PHF24: variants seen among roughly 807,000 people sequenced by gnomAD.
The protein encoded by PHF24 is PHD finger protein 24.
In PHF24, 25 loss-of-function variants were observed where a neutral mutation model predicts 42.6. That is an observed-to-expected ratio of 0.59 (90% CI 0.43 to 0.82). The LOEUF is 0.82. Ranked by LOEUF, PHF24 falls within the 40% of genes least tolerant of loss-of-function variation. The pLI, the probability that PHF24 is intolerant of heterozygous loss-of-function variation, is 0.00. For missense variants in PHF24, 470 were observed against 538.1 expected, an observed-to-expected ratio of 0.87 and a Z score of 1.25; for synonymous variants, 185 against 204.8, an observed-to-expected ratio of 0.90 and a Z score of 0.83.
chr9:34,715,322 T>C, the PHF24 span, among the ~76,000 whole-genome samples: 29 of 151,970 alleles, frequency 1.9e-4, no homozygotes, highest in Admixed American at 1.9e-3. Flanking sequence ...GAGAGAGCCA[T>C]TACCCTTTTC....
At chr9:34,878,892 T>G in the PHF24 span, among the ~76,000 whole-genome samples, 1 of 152,146 alleles carries the variant, frequency 6.6e-6, no homozygotes, top group Admixed American at 6.5e-5. Context: ...GAGCTTGAGA[T>G]CTGAAAACAG....
chr9:34,916,166 C>T, the PHF24 span, among the ~76,000 whole-genome samples: 31 of 152,260 alleles, frequency 2.0e-4, no homozygotes, highest in Admixed American at 1.2e-3. Context: ...AGCACGAGAA[C>T]GAACTAATAC....
At chr9:34,709,342 C>G in the PHF24 span, 6 of 1,598,516 alleles carry the variant, frequency 3.8e-6, no homozygotes, top group Non-Finnish European at 5.1e-6. Context: ...GTTCAGGCTT[C>G]AAGCGCTGGT....
At chr9:34,953,980 A>G (rs927603750), upstream of PHF24, among the ~76,000 whole-genome samples, 4 of 152,136 alleles carry the variant, frequency 2.6e-5, no homozygotes, top group African/African-American at 4.8e-5. The surrounding 1 kb of genome is among the most constrained non-coding windows in gnomAD (Gnocchi z 4.1). Flanking sequence ...CTTTGGTTGT[A>G]AGCAATGGAA....
the PHF24 span, among the ~76,000 whole-genome samples, chr9:34,891,347 A>T: frequency 6.6e-6 from 1 of 152,222 alleles, no homozygotes; most frequent in African/African-American, 2.4e-5. Context: ...ACAATGGCAG[A>T]TATGGGCAGG....
At chr9:34,952,175 A>G in the PHF24 span, among the ~76,000 whole-genome samples, 1 of 152,062 alleles carries the variant, frequency 6.6e-6, no homozygotes, top group African/African-American at 2.4e-5. Flanking sequence ...TCTGCATGAA[A>G]AATAATCTAC....
the PHF24 span, among the ~76,000 whole-genome samples, chr9:34,799,211 C>T: frequency 1.3e-5 from 2 of 152,088 alleles, no homozygotes; most frequent in Admixed American, 6.5e-5. Flanking sequence ...GAGAAGACTT[C>T]CAGAAGGGAA....
chr9:34,971,482 G>A (rs1826979545), exon 2 of PHF24: 2 of 1,614,094 alleles, frequency 1.2e-6, no homozygotes, highest in African/African-American at 1.3e-5. Flanking sequence ...GAAGGAAGCA[G>A]AAGCAGGAAC....
chr9:34,853,554 C>T, the PHF24 span, among the ~76,000 whole-genome samples: 4 of 150,252 alleles, frequency 2.7e-5, no homozygotes, highest in East Asian at 2.0e-4. Flanking sequence ...CTCGGCCGGG[C>T]GCGGTGGCTC....
chr9:34,850,597 C>G, the PHF24 span, among the ~76,000 whole-genome samples: 1 of 152,238 alleles, frequency 6.6e-6, no homozygotes, highest in African/African-American at 2.4e-5. Context: ...CTTCTTCTCT[C>G]AACTCGTCGA....
chr9:34,971,282 T>G lies in PHF24; in HGVS notation c.-4-13T>G. 1 of 1,578,964 alleles carries G rather than the reference T, an allele frequency of 6.3e-7. No homozygotes were observed. Among genetic ancestry groups the G allele is most frequent in the Non-Finnish European group, 8.6e-7 (1 of 1,157,250 alleles). Reference sequence around the variant, plus strand: ...ATTGGCTGAACCTGTGCCCCTCTGCTTTTTGTCCACAGAGCCATGGGGGTG... The same window carrying G: ...ATTGGCTGAACCTGTGCCCCTCTGCGTTTTGTCCACAGAGCCATGGGGGTG... On this transcript the variant is annotated splice_polypyrimidine_tract_variant and intron_variant, in intron 1 of 7. Transcript: ENST00000242315.
the PHF24 span, chr9:34,835,726 T>C: frequency 3.2e-6 from 5 of 1,551,176 alleles, no homozygotes; most frequent in South Asian, 4.8e-5. Flanking sequence ...TTGTATGCCA[T>C]CTGCATACGT....
At chr9:34,767,159 A>T in the PHF24 span, among the ~76,000 whole-genome samples, 6 of 152,094 alleles carry the variant, frequency 3.9e-5, no homozygotes, top group Non-Finnish European at 8.8e-5. Flanking sequence ...GGGGTCAGGG[A>T]CCCACTTGAG....
At chr9:34,728,722 C>A in the PHF24 span, 1 of 1,370,884 alleles carries the variant, frequency 7.3e-7, no homozygotes, top group Non-Finnish European at 1.0e-6. Context: ...CAAAATGAGA[C>A]AAAACTTACA....
chr9:34,915,581 G>A, the PHF24 span, among the ~76,000 whole-genome samples: 1 of 152,122 alleles, frequency 6.6e-6, no homozygotes, highest in East Asian at 1.9e-4. Flanking sequence ...GAAGATCAGA[G>A]GCAGGTATCA....
chr9:34,769,342 A>G, the PHF24 span, among the ~76,000 whole-genome samples: 1 of 152,262 alleles, frequency 6.6e-6, no homozygotes, highest in South Asian at 2.1e-4. Flanking sequence ...GCTGGTCTTG[A>G]ACTCCTGACC....
the PHF24 span, among the ~76,000 whole-genome samples, chr9:34,666,980 A>C: frequency 6.6e-6 from 1 of 152,198 alleles, no homozygotes; most frequent in Non-Finnish European, 1.5e-5. Flanking sequence ...CAAACAAGAC[A>C]GGCACCTTGT....
the PHF24 span, among the ~76,000 whole-genome samples, chr9:34,798,362 TCTCC>T: frequency 6.3e-3 from 956 of 152,284 alleles, 8 homozygotes; most frequent in Middle Eastern, 0.037. Context: ...CCCTTGCCCC[TCTCC>T]CTCCCTCCTG....
the PHF24 span, among the ~76,000 whole-genome samples, chr9:34,706,226 A>G: frequency 6.6e-6 from 1 of 152,222 alleles, no homozygotes; most frequent in African/African-American, 2.4e-5. Flanking sequence ...TAAATATGGT[A>G]ATATAATCAT....
Sources: gnomAD v4.1 joint callset for allele counts (sites outside exome capture counted in the v4.1 genomes callset) on GRCh38, gnomAD v4.1.1 for gene constraint, Gnocchi (gnomAD v3.1) non-coding constraint, MANE v1.5 for transcripts, NCBI Gene and HGNC (gene_info 2026-07-23, HGNC 2026-07-21) for gene names.